Variants in SLC4A4 observed in about 807,000 individuals in gnomAD.
SLC4A4 encodes the protein electrogenic sodium bicarbonate cotransporter 1.
Under a neutral mutation model 111.5 loss-of-function variants are expected in SLC4A4, and 27 were observed. The observed-to-expected ratio is 0.24, with a 90% CI of 0.18 to 0.33. The LOEUF (loss-of-function observed/expected upper bound fraction) is 0.33. Ranked by LOEUF, SLC4A4 falls within the 10% of genes least tolerant of loss-of-function variation. The pLI is 1.00. For missense variants in SLC4A4, 909 were observed against 1,315.5 expected, an observed-to-expected ratio of 0.69 and a Z score of 4.78; for synonymous variants, 443 against 463.4, an observed-to-expected ratio of 0.96 and a Z score of 0.57.
intron 2 of SLC4A4, among the ~76,000 whole-genome samples, chr4:71,180,959 C>A (rs1459587804): frequency 1.3e-5 from 2 of 151,998 alleles, no homozygotes; most frequent in Non-Finnish European, 2.9e-5. Flanking sequence ...AGACTTGGAA[C>A]CAACTCAAAT....
chr4:71,488,717 C>T (rs1294425735), intron 15 of SLC4A4, among the ~76,000 whole-genome samples: 3 of 151,640 alleles, frequency 2.0e-5, no homozygotes, highest in South Asian at 4.1e-4. Flanking sequence ...TGCCATTCCT[C>T]GTATACCATG....
intron 8 of SLC4A4, among the ~76,000 whole-genome samples, chr4:71,443,898 C>G (rs921731688): frequency 1.3e-5 from 2 of 152,124 alleles, no homozygotes; most frequent in Non-Finnish European, 2.9e-5. Flanking sequence ...TCAATTTTGT[C>G]ACATCCACCA....
chr4:71,297,545 C>T lies in SLC4A4; in HGVS notation c.254-41825C>T, dbSNP rs2148834685. Among the ~76,000 whole-genome samples the T allele has an allele frequency of 1.3e-5, 2 of 150,270 alleles. 1 individual carries two copies. The highest frequency in any genetic ancestry group is 3.9e-4 in the East Asian group (2 of 5,136). Reference sequence around the variant, plus strand: ...ACACACACACACACACACACACACACACACACTCTTTGGCAAAAGAAATGA... The same window carrying T: ...ACACACACACACACACACACACACATACACACTCTTTGGCAAAAGAAATGA... On this transcript the variant is annotated intron_variant, in intron 3 of 25. Coordinates refer to ENST00000264485, the MANE Select transcript of SLC4A4 (RefSeq NM_001098484.3).
intron 18 of SLC4A4, among the ~76,000 whole-genome samples, chr4:71,538,204 T>G (rs1734735910): frequency 6.6e-6 from 1 of 152,110 alleles, no homozygotes; most frequent in South Asian, 2.1e-4. Flanking sequence ...TCCTACTAAT[T>G]TTTACTCACT....
At chr4:71,101,253 C>T (rs141920636) in intron 2 of SLC4A4, among the ~76,000 whole-genome samples, 56 of 151,670 alleles carry the variant, frequency 3.7e-4, no homozygotes, top group African/African-American at 1.2e-3. Context: ...TGCAAGACTC[C>T]GTCTCAAAAA....
At chr4:71,113,497 T>C (rs1743153762) in intron 2 of SLC4A4, among the ~76,000 whole-genome samples, 1 of 152,238 alleles carries the variant, frequency 6.6e-6, no homozygotes, top group Non-Finnish European at 1.5e-5. Context: ...GAGACTTTCC[T>C]TATGGCAGGT....
chr4:71,216,841 C>T lies in SLC4A4; in HGVS notation c.-1-19735C>T, dbSNP rs553297480. 9.2e-5 allele frequency among the ~76,000 whole-genome samples: 14 copies of T among 152,252 alleles called. No individual in the cohort carries two copies. The East Asian group carries it at 9.7e-4, about 11-fold the overall frequency. ...CTGTCTGGGAGAAATTAAGGACTTG[C>T]GGCATGACAATACTAGCTACGTGCC... On this transcript the variant is annotated intron_variant, in intron 1 of 25. Coordinates refer to ENST00000264485, the MANE Select transcript of SLC4A4 (RefSeq NM_001098484.3).
intron 3 of SLC4A4, among the ~76,000 whole-genome samples, chr4:71,333,595 G>C (rs1420495810): frequency 6.6e-6 from 1 of 152,232 alleles, no homozygotes; most frequent in Non-Finnish European, 1.5e-5. Context: ...GGTGAATCCA[G>C]CCAGGCTTGC....
intron 1 of SLC4A4, among the ~76,000 whole-genome samples, chr4:71,232,371 C>G (rs1719491884): frequency 6.6e-6 from 1 of 152,024 alleles, no homozygotes; most frequent in Admixed American, 6.5e-5. Flanking sequence ...TTCTACTATC[C>G]CCTCCAGTTT....
chr4:71,314,179 A>T (rs576283451), intron 3 of SLC4A4, among the ~76,000 whole-genome samples: 1 of 152,218 alleles, frequency 6.6e-6, no homozygotes, highest in Non-Finnish European at 1.5e-5. Flanking sequence ...AAAGCTCATC[A>T]TCACTGGTCA....
intron 16 of SLC4A4, among the ~76,000 whole-genome samples, chr4:71,526,191 C>A (rs555292901): frequency 3.3e-4 from 50 of 152,154 alleles, no homozygotes; most frequent in African/African-American, 1.0e-3. Context: ...TTGAATATAA[C>A]AGTGGTCTGG....
intron 24 of SLC4A4, among the ~76,000 whole-genome samples, chr4:71,564,380 T>G (rs931872411): frequency 5.9e-5 from 9 of 151,894 alleles, no homozygotes; most frequent in African/African-American, 2.2e-4. Flanking sequence ...TCATGAAGTA[T>G]TAGTACAACT....
chr4:71,457,223 G>C (rs1053156891), intron 12 of SLC4A4, among the ~76,000 whole-genome samples: 3 of 152,098 alleles, frequency 2.0e-5, no homozygotes, highest in Non-Finnish European at 4.4e-5. Context: ...ATTATTTTGG[G>C]AGCTATGTAG....
At chr4:71,306,179 T>C (rs1393147743) in intron 3 of SLC4A4, among the ~76,000 whole-genome samples, 1 of 152,200 alleles carries the variant, frequency 6.6e-6, no homozygotes, top group African/African-American at 2.4e-5. Context: ...GTTAAGAGCA[T>C]AGGTTCTGAA....
chr4:71,548,388 T>G (rs1011008590), intron 20 of SLC4A4, among the ~76,000 whole-genome samples: 1 of 151,870 alleles, frequency 6.6e-6, no homozygotes, highest in Non-Finnish European at 1.5e-5. Context: ...TCTGCCTAGA[T>G]AGATAAATGC....
chr4:71,386,316 G>A (rs1017651211), intron 6 of SLC4A4, among the ~76,000 whole-genome samples: 2 of 151,506 alleles, frequency 1.3e-5, no homozygotes, highest in South Asian at 4.2e-4. Context: ...TTTTTCCCTG[G>A]GTGTCCTTGT....
At chr4:71,074,610 A>G (rs888624119) in intron 1 of SLC4A4, among the ~76,000 whole-genome samples, 1 of 151,996 alleles carries the variant, frequency 6.6e-6, no homozygotes, top group African/African-American at 2.4e-5. Flanking sequence ...GGAGGAAGGA[A>G]AGAGGAAAGG....
intron 2 of SLC4A4, among the ~76,000 whole-genome samples, chr4:71,146,509 C>T (rs1744175826): frequency 6.6e-6 from 1 of 152,110 alleles, no homozygotes. Context: ...TCCTTGTTAA[C>T]TTTCTGTCTC....
chr4:71,385,187 A>ATTT, intron 6 of SLC4A4, among the ~76,000 whole-genome samples: 2 of 16,656 alleles, frequency 1.2e-4, no homozygotes, highest in Non-Finnish European at 2.3e-4. Flanking sequence ...ATATATATAT[A>ATTT]TATATTTTTT....
Sources: gnomAD v4.1 joint callset for allele counts (sites outside exome capture counted in the v4.1 genomes callset) on GRCh38, gnomAD v4.1.1 for gene constraint, MANE v1.5 for transcripts, NCBI Gene and HGNC (gene_info 2026-07-23, HGNC 2026-07-21) for gene names.